The following SCNN1B variants were observed in gnomAD, a reference collection of about 807,000 sequenced individuals.
The protein encoded by SCNN1B is epithelial sodium channel subunit beta.
Under a neutral mutation model 65.3 loss-of-function variants are expected in SCNN1B, and 46 were observed. The ratio of observed to expected loss-of-function variants is 0.70; its 90% confidence interval spans 0.56 to 0.90. The LOEUF is 0.90. Among genes scored for constraint, SCNN1B ranks in the 40% least tolerant of loss-of-function variants. The pLI is 0.00. For missense variants in SCNN1B, 751 were observed against 830.5 expected, an observed-to-expected ratio of 0.90 and a Z score of 1.18; for synonymous variants, 349 against 330.6, an observed-to-expected ratio of 1.06 and a Z score of -0.60.
intron 4 of SCNN1B, among the ~76,000 whole-genome samples, chr16:23,365,118 C>A (rs75061058): frequency 0.052 from 7,817 of 151,190 alleles, 259 homozygotes; most frequent in South Asian, 0.18. Flanking sequence ...AAGAGCAAAA[C>A]TCCATCTCAA....
chr16:23,372,448 G>A (rs1231420608), intron 7 of SCNN1B, among the ~76,000 whole-genome samples: 1 of 151,006 alleles, frequency 6.6e-6, no homozygotes, highest in Non-Finnish European at 1.5e-5. Context: ...AGGAAATTGG[G>A]ATTGACAGAC....
At chr16:23,305,548 A>AAATAT (rs1961184117) in intron 1 of SCNN1B, among the ~76,000 whole-genome samples, 1 of 35,252 alleles carries the variant, frequency 2.8e-5, no homozygotes, top group African/African-American at 3.8e-4. Context: ...ATATATATAT[A>AAATAT]TATATATATA....
chr16:23,297,287 C>G (rs1221554308), intron 2 of SCNN1B, among the ~76,000 whole-genome samples: 5 of 152,162 alleles, frequency 3.3e-5, no homozygotes, highest in African/African-American at 1.2e-4. Flanking sequence ...CAGTTTAGAG[C>G]CAGACATTCC....
At chr16:23,353,841 A>C (rs1962362655) in intron 3 of SCNN1B, among the ~76,000 whole-genome samples, 1 of 152,212 alleles carries the variant, frequency 6.6e-6, no homozygotes, top group African/African-American at 2.4e-5. Flanking sequence ...TTAAGCCTAG[A>C]AGTGGGGAGA....
intron 1 of SCNN1B, among the ~76,000 whole-genome samples, chr16:23,318,670 C>T (rs1961523704): frequency 6.6e-6 from 1 of 152,168 alleles, no homozygotes; most frequent in African/African-American, 2.4e-5. Context: ...CTAGCTCTCC[C>T]TGTCTTTCAG....
rs545181714 is a variant in SCNN1B, at chr16:23,286,831, C to T, written n.178+3027C>T. 9.5e-4 allele frequency among the ~76,000 whole-genome samples: 145 copies of T among 152,252 alleles called. No homozygotes were observed. In the Middle Eastern group the frequency reaches 0.014, roughly 14 times the overall value. On this transcript the variant is annotated intron_variant and non_coding_transcript_variant, in intron 2 of 3. Transcript: ENST00000569789. ...GGAGCCTGATTACAAGTGGCTCACA[C>T]ATGTAATCCCAGCACTTTGGGAGGC...
At chr16:23,305,533 AT>A (rs55939715) in intron 1 of SCNN1B, among the ~76,000 whole-genome samples, 48,942 of 60,088 alleles carry the variant, frequency 0.81, 19,193 homozygotes, top group African/African-American at 0.9. Context: ...AAATATATAT[AT>A]TATATATATA....
intron 2 of SCNN1B, among the ~76,000 whole-genome samples, chr16:23,351,007 G>A (rs570144273): frequency 3.3e-4 from 50 of 152,258 alleles, no homozygotes; most frequent in African/African-American, 1.1e-3. Flanking sequence ...TTGGGAGGCC[G>A]AGGCTTAAGG....
At chr16:23,312,138 C>G (rs1048662625) in intron 1 of SCNN1B, among the ~76,000 whole-genome samples, 7 of 152,204 alleles carry the variant, frequency 4.6e-5, no homozygotes, top group African/African-American at 1.7e-4. Flanking sequence ...ATTTTCTTTC[C>G]TTTCTTTCAT....
chr16:23,288,864 A>C (rs949271934), intron 2 of SCNN1B, among the ~76,000 whole-genome samples: 5 of 152,138 alleles, frequency 3.3e-5, no homozygotes, highest in Admixed American at 6.6e-5. Flanking sequence ...AGCAGGATTC[A>C]GTTCCTCAAG....
intron 2 of SCNN1B, among the ~76,000 whole-genome samples, chr16:23,349,215 G>A (rs1298359414): frequency 6.6e-6 from 1 of 152,050 alleles, no homozygotes; most frequent in Non-Finnish European, 1.5e-5. Flanking sequence ...CAGGTGCAGT[G>A]GCCTGTAATA....
chr16:23,315,767 G>A (rs1052148438), intron 1 of SCNN1B, among the ~76,000 whole-genome samples: 10 of 152,274 alleles, frequency 6.6e-5, no homozygotes, highest in African/African-American at 2.2e-4. Flanking sequence ...TCGTGCCACC[G>A]CACTCCAGCC....
intron 1 of SCNN1B, among the ~76,000 whole-genome samples, chr16:23,309,985 G>C (rs1961306412): frequency 6.6e-6 from 1 of 152,164 alleles, no homozygotes; most frequent in Admixed American, 6.5e-5. Flanking sequence ...CTATTAAGGA[G>C]GCCCCAGGTC....
chr16:23,348,589 C>A lies in SCNN1B; in HGVS notation c.-8-3C>A. 1 of 1,612,242 alleles carries A rather than the reference C, an allele frequency of 6.2e-7. No homozygotes were observed. Among genetic ancestry groups the A allele is most frequent in the Non-Finnish European group, 8.5e-7 (1 of 1,179,772 alleles). ...TGATGTGCGTCCCCATGCCTCTCTG[C>A]AGGTGCCACTATGCACGTGAAGAAG... On this transcript the variant is annotated splice_region_variant and splice_polypyrimidine_tract_variant and intron_variant, in intron 1 of 12. Transcript: ENST00000343070. The surrounding 1 kb of genome is among the most constrained non-coding windows in gnomAD (Gnocchi z 4.5).
chr16:23,327,393 C>G (rs558529602), intron 1 of SCNN1B, among the ~76,000 whole-genome samples: 1 of 151,850 alleles, frequency 6.6e-6, no homozygotes, highest in African/African-American at 2.4e-5. Context: ...ATTAGCCAGG[C>G]ATGGTGGTGC....
chr16:23,360,201 A>AAAAAAAATAAAT (rs1555488432), intron 4 of SCNN1B, among the ~76,000 whole-genome samples: 4 of 132,752 alleles, frequency 3.0e-5, no homozygotes, highest in African/African-American at 5.4e-5. Flanking sequence ...CCATCTCAAA[A>AAAAAAAATAAAT]AAATAAATAA....
chr16:23,332,656 C>T (rs1220055193), intron 1 of SCNN1B, among the ~76,000 whole-genome samples: 1 of 152,162 alleles, frequency 6.6e-6, no homozygotes, highest in Non-Finnish European at 1.5e-5. Context: ...CCCCTAGGCT[C>T]CCTGTAATCC....
chr16:23,292,407 C>CA (rs1394976151), intron 2 of SCNN1B, among the ~76,000 whole-genome samples: 3 of 151,800 alleles, frequency 2.0e-5, no homozygotes, highest in Non-Finnish European at 4.4e-5. Context: ...CTGTGTTAGT[C>CA]AGGATGGTCT....
rs982850030 is a variant in SCNN1B, at chr16:23,380,324, C to T, written c.1543-97C>T. 4.3e-5 allele frequency: 68 copies of T among 1,592,122 alleles called. No homozygotes were observed. Among genetic ancestry groups the T allele is most frequent in the Admixed American group, 8.4e-5 (5 of 59,582 alleles). ...CTGGGCCAAGATGGTCACCCCCTCC[C>T]GTTCCCACCCAAGAATCACCTCCCA... On this transcript the variant is annotated intron_variant, in intron 12 of 12. Coordinates refer to ENST00000343070, the MANE Select transcript of SCNN1B (RefSeq NM_000336.3). The surrounding 1 kb of genome is among the most constrained non-coding windows in gnomAD (Gnocchi z 5.4).
Sources: allele counts gnomAD v4.1 joint callset (sites outside exome capture counted in the v4.1 genomes callset), GRCh38; gene constraint gnomAD v4.1.1; non-coding constraint Gnocchi (gnomAD v3.1); transcripts MANE v1.5; gene names NCBI Gene and HGNC (gene_info 2026-07-23, HGNC 2026-07-21).